SLC25A13: variants seen among roughly 807,000 people sequenced by gnomAD.
SLC25A13 encodes the protein solute carrier family 25 member 13.
SLC25A13 carries 70 observed loss-of-function variants against 85.5 expected under a neutral mutation model. The ratio of observed to expected loss-of-function variants is 0.82; its 90% CI spans 0.68 to 1.00. The LOEUF is 1.00. Ranked by LOEUF, SLC25A13 falls within the 50% of genes least tolerant of loss-of-function variation. The pLI, the probability that SLC25A13 is intolerant of heterozygous loss-of-function variation, is 0.00. For synonymous variants in SLC25A13, 259 were observed against 288.7 expected (o/e 0.90, Z 1.04); for missense variants, 765 against 819.8 (o/e 0.93, Z 0.82).
chr7:96,170,262 G>A (rs1562812012), intron 12 of SLC25A13, 137 bp from the exon 13 acceptor site: 1 of 776,918 alleles, frequency 1.3e-6, no homozygotes, highest in East Asian at 2.7e-5. Context: ...CAATTTAACA[G>A]ATCTTAAAAT....
intron 1 of SLC25A13, among the ~76,000 whole-genome samples, chr7:96,310,628 G>A (rs187220605): frequency 1.3e-5 from 2 of 152,334 alleles, no homozygotes; most frequent in Admixed American, 1.3e-4. Context: ...AGCATCCAAT[G>A]ATGATCCATG....
At chr7:96,154,799 T>C (rs1227531225) in intron 13 of SLC25A13, among the ~76,000 whole-genome samples, 2 of 116,524 alleles carry the variant, frequency 1.7e-5, no homozygotes, top group East Asian at 5.8e-4. Flanking sequence ...CAGCATCTTT[T>C]TCTTTTTTTT....
chr7:96,123,112 C>T (rs1362582587), intron 15 of SLC25A13, among the ~76,000 whole-genome samples: 1 of 152,164 alleles, frequency 6.6e-6, no homozygotes, highest in African/African-American at 2.4e-5. Flanking sequence ...CCATCTTTAC[C>T]TAGCTCCTCA....
intron 4 of SLC25A13, among the ~76,000 whole-genome samples, chr7:96,210,441 A>C (rs1795648585): frequency 6.6e-6 from 1 of 152,230 alleles, no homozygotes; most frequent in African/African-American, 2.4e-5. Context: ...AAAAGGAATT[A>C]AGTAGAAGAT....
intron 13 of SLC25A13, among the ~76,000 whole-genome samples, chr7:96,161,892 G>T (rs910091727): frequency 6.6e-6 from 1 of 152,096 alleles, no homozygotes; most frequent in Admixed American, 6.6e-5. Context: ...ATAATCACTA[G>T]ATTTTCACTG....
Position 96,146,659 on chromosome 7 carries a change from T to C in SLC25A13, c.1349A>G (p.Glu450Gly). Reference sequence around the variant, plus strand: ...CACTTGCAAACGGATCTTGACGATTTCTAAAGGATTTGTGAAAATCACCTG... The same window carrying C: ...CACTTGCAAACGGATCTTGACGATTCCTAAAGGATTTGTGAAAATCACCTG... ...GSQVIFTNPL[E>G]IVKIRLQVAG... is the part of the protein sequence containing the mutation. Residue 450 changes from glutamate (E) to glycine (G), a missense_variant, in exon 14 of 18, where the codon GAA becomes GGA. Glu to Gly is a moderately conservative substitution (Grantham distance 98, BLOSUM62 -2). Transcript: ENST00000265631. 6.2e-7 allele frequency: 1 copy of C among 1,614,096 alleles called. No individual in the cohort carries two copies. The highest frequency in any genetic ancestry group is 8.5e-7 in the Non-Finnish European group (1 of 1,180,004).
At chr7:96,296,778 G>A (rs1584586918) in intron 2 of SLC25A13, 120 bp downstream of exon 2, 7 of 1,023,554 alleles carry the variant, frequency 6.8e-6, no homozygotes, top group African/African-American at 3.2e-5. Flanking sequence ...ACCGTGCCGG[G>A]CTGACACTTT....
chr7:96,186,504 T>C (rs1159971591), intron 9 of SLC25A13, among the ~76,000 whole-genome samples: 1 of 152,192 alleles, frequency 6.6e-6, no homozygotes, highest in Non-Finnish European at 1.5e-5. Flanking sequence ...AAAAAACATT[T>C]GTAGTACTTA....
At chr7:96,260,784 A>G (rs1162870987) in intron 3 of SLC25A13, among the ~76,000 whole-genome samples, 2 of 152,066 alleles carry the variant, frequency 1.3e-5, no homozygotes, top group Admixed American at 1.3e-4. Context: ...CACCTTTTAC[A>G]CAGATTACTG....
At chr7:96,173,651 G>C (rs964962944) in intron 11 of SLC25A13, among the ~76,000 whole-genome samples, 2 of 152,168 alleles carry the variant, frequency 1.3e-5, no homozygotes, top group East Asian at 3.9e-4. Flanking sequence ...CTGGCCTCAA[G>C]CAATCCTCCT....
chr7:96,211,288 T>C (rs1168613632), intron 4 of SLC25A13, among the ~76,000 whole-genome samples: 1 of 152,016 alleles, frequency 6.6e-6, no homozygotes, highest in Non-Finnish European at 1.5e-5. Context: ...CTCTATGAAA[T>C]GCCTGGCTGA....
chr7:96,205,617 A>G (rs555625637), intron 5 of SLC25A13, among the ~76,000 whole-genome samples: 3 of 152,230 alleles, frequency 2.0e-5, no homozygotes, highest in Admixed American at 6.5e-5. Flanking sequence ...ACTTGCTTCA[A>G]TGTTACTAGA....
chr7:96,157,069 C>T (rs1281015445), intron 13 of SLC25A13, among the ~76,000 whole-genome samples: 2 of 152,156 alleles, frequency 1.3e-5, no homozygotes, highest in Non-Finnish European at 2.9e-5. Flanking sequence ...AGTCCATGAT[C>T]TTCATAAATT....
rs567855562 is a variant in SLC25A13 at position 96,222,508 on chromosome 7, C to T, written c.328+12294G>A. Among the ~76,000 whole-genome samples, 32 of 152,248 alleles carry T rather than the reference C, an allele frequency of 2.1e-4. 2 individuals are homozygous for T. The highest frequency in any genetic ancestry group is 6.0e-4 in the African/African-American group (25 of 41,544). On this transcript the variant is annotated intron_variant, in intron 4 of 17. Transcript: ENST00000265631. ...GTCACCAGGCTGGAGTGTGGTGGCA[C>T]GATCTCGGCTCACTGCAACCTCCAC...
Position 96,270,353 on chromosome 7 carries a change from C to T in SLC25A13, c.212+6843G>A, listed in dbSNP as rs1257712188. On this transcript the variant is annotated intron_variant, in intron 3 of 17. Coordinates refer to ENST00000265631, the MANE Select transcript of SLC25A13 (RefSeq NM_014251.3). ...GGTGGGCTGCTTGAGATCAGAAGTT[C>T]GAGACCAGCCTGGCCAACATGGTAA... is the stretch of plus-strand genomic sequence containing the variant. 3.9e-5 allele frequency among the ~76,000 whole-genome samples: 6 copies of T among 152,176 alleles called. No homozygotes were observed. In the East Asian group the frequency reaches 1.2e-3, roughly 29 times the overall value.
chr7:96,191,352 T>C (rs1025464042), intron 6 of SLC25A13, 105 bp from the exon 7 acceptor site: 4 of 1,205,162 alleles, frequency 3.3e-6, no homozygotes, highest in Middle Eastern at 5.2e-4. Flanking sequence ...CAAAAATGCA[T>C]GTACAAGAAG....
intron 1 of SLC25A13, among the ~76,000 whole-genome samples, chr7:96,302,697 C>A (rs1799595430): frequency 6.6e-6 from 1 of 152,144 alleles, no homozygotes; most frequent in Non-Finnish European, 1.5e-5. Context: ...TAAAGTCTTT[C>A]AGGTCAGTAA....
chr7:96,168,129 A>AAAAAAAAAAAAAAG (rs1562810139), intron 13 of SLC25A13, among the ~76,000 whole-genome samples: 2 of 143,656 alleles, frequency 1.4e-5, no homozygotes, highest in African/African-American at 2.7e-5. Context: ...AAAAAAAAAA[A>AAAAAAAAAAAAAAG]GCACGTGTGC....
chr7:96,226,003 A>G (rs1796316495), intron 4 of SLC25A13, among the ~76,000 whole-genome samples: 1 of 152,210 alleles, frequency 6.6e-6, no homozygotes, highest in African/African-American at 2.4e-5. Flanking sequence ...AAAAAATGAA[A>G]ATAAAATCTT....
Sources: gnomAD v4.1 joint callset for allele counts (sites outside exome capture counted in the v4.1 genomes callset) on GRCh38, gnomAD v4.1.1 for gene constraint, MANE v1.5 for transcripts, NCBI Gene and HGNC (gene_info 2026-07-23, HGNC 2026-07-21) for gene names.